TFIP11: variants seen among roughly 807,000 people sequenced by gnomAD.
TFIP11 encodes the protein tuftelin-interacting protein 11.
A neutral mutation model predicts 96.8 loss-of-function variants in TFIP11; 86 were observed. The ratio of observed to expected loss-of-function variants is 0.89; its 90% CI spans 0.75 to 1.06. TFIP11 has a LOEUF of 1.06. TFIP11 is among the 50% of genes least tolerant of loss of function. The pLI, the probability that TFIP11 is intolerant of heterozygous loss-of-function variation, is 0.00. For missense variants in TFIP11, 881 were observed against 1,076.7 expected (o/e 0.82, Z 2.54); for synonymous variants, 405 against 395.2 (o/e 1.02, Z -0.29).
At chr22:26,493,997 T>C in intron 14 of TFIP11, 142 bp downstream of exon 14, 1 of 872,126 alleles carries the variant, frequency 1.1e-6, no homozygotes, top group Non-Finnish European at 1.7e-6. Context: ...GTCAGCAGGG[T>C]GAGAGTCTGT....
chr22:26,498,541 C>CAAAAAA (rs10716815), intron 10 of TFIP11, among the ~76,000 whole-genome samples: 1 of 83,586 alleles, frequency 1.2e-5, no homozygotes. Flanking sequence ...GACTCCATCT[C>CAAAAAA]AAAAAAAAAA....
chr22:26,495,447 T>G (rs1003263613), intron 12 of TFIP11, among the ~76,000 whole-genome samples: 1 of 151,616 alleles, frequency 6.6e-6, no homozygotes, highest in Non-Finnish European at 1.5e-5. Context: ...CTGGCTGGTT[T>G]GTATTTTTGG....
Position 26,496,096 on chromosome 22 carries a change from ACCATGAATGCTT to A in TFIP11, c.1814_1825del (p.Glu605_Met608del). The A allele has an allele frequency of 6.2e-7, 1 of 1,613,806 alleles. No individual in the cohort carries two copies. Among genetic ancestry groups the A allele is most frequent in the Non-Finnish European group, 8.5e-7 (1 of 1,179,986 alleles). On this transcript the variant is annotated inframe_deletion, in exon 12 of 15. Transcript: ENST00000407690. ...ACCCAGCTTGGGCACTATGTTTTTG[ACCATGAATGCTT>A]CCCAGGAGCCAGGAGTGAAGACATC...
At chr22:26,504,984 G>A (rs907150053) in intron 6 of TFIP11, among the ~76,000 whole-genome samples, 7 of 152,172 alleles carry the variant, frequency 4.6e-5, no homozygotes, top group African/African-American at 1.7e-4. Flanking sequence ...GCTGAGGCAG[G>A]AGAATCACTT....
chr22:26,494,100 C>T (rs1921603478), intron 14 of TFIP11, 39 bp downstream of exon 14: 1 of 1,606,806 alleles, frequency 6.2e-7, no homozygotes, highest in Non-Finnish European at 8.5e-7. Context: ...AAATCTGAAA[C>T]TTGGGGCCAG....
chr22:26,492,410 A>G (rs1266872737), intron 14 of TFIP11, 42 bp from the exon 15 acceptor site: 8 of 1,584,658 alleles, frequency 5.0e-6, no homozygotes, highest in Non-Finnish European at 6.0e-6. Flanking sequence ...AGGTGTTTCC[A>G]GGTGTATGGA....
chr22:26,506,528 G>C, intron 5 of TFIP11, 69 bp from the exon 6 acceptor site: 3 of 1,541,408 alleles, frequency 1.9e-6, no homozygotes, highest in Non-Finnish European at 2.6e-6. Context: ...AGAAAGCTTG[G>C]CCAACAGGAA....
chr22:26,500,647 T>A (rs2147134515), intron 8 of TFIP11, among the ~76,000 whole-genome samples: 1 of 150,594 alleles, frequency 6.6e-6, no homozygotes, highest in South Asian at 2.1e-4. Context: ...CCACCAGCTT[T>A]AGACTCACTG....
At chr22:26,494,726 GC>G in intron 13 of TFIP11, 70 bp downstream of exon 13, 1 of 1,596,200 alleles carries the variant, frequency 6.3e-7, no homozygotes, top group Non-Finnish European at 8.6e-7. Context: ...CTACAGTCAG[GC>G]CTTGGCAGAA....
At chr22:26,501,593 G>A (rs1331770374) in intron 8 of TFIP11, among the ~76,000 whole-genome samples, 1 of 151,520 alleles carries the variant, frequency 6.6e-6, no homozygotes, top group African/African-American at 2.4e-5. Context: ...TAAATTCACT[G>A]ATGTAAGCTC....
chr22:26,502,402 G>A (rs1341873926), intron 7 of TFIP11, among the ~76,000 whole-genome samples: 6 of 152,172 alleles, frequency 3.9e-5, no homozygotes, highest in African/African-American at 1.4e-4. Flanking sequence ...GCAATGTAAA[G>A]GATTTTTTAA....
chr22:26,507,989 C>T (rs1238815928), intron 4 of TFIP11, among the ~76,000 whole-genome samples: 1 of 152,120 alleles, frequency 6.6e-6, no homozygotes, highest in African/African-American at 2.4e-5. Context: ...CGCCTGTAAT[C>T]CCACGCCACT....
rs192115144 is a variant in TFIP11, at chr22:26,497,663, G to A, written c.1437-774C>T. On this transcript the variant is annotated intron_variant, in intron 10 of 14. Coordinates refer to ENST00000407690, the MANE Select transcript of TFIP11 (RefSeq NM_012143.4). ...GAGGCCAAGGCAGGCGGATCACGAG[G>A]TCAAGAGATCGAGACCATCCTGGCC... Among the ~76,000 whole-genome samples the A allele has an allele frequency of 2.0e-4, 30 of 152,288 alleles. No individual in the cohort carries two copies. In the East Asian group the frequency reaches 5.2e-3, roughly 26 times the overall value.
At chr22:26,505,255 G>A (rs1410836692) in intron 6 of TFIP11, among the ~76,000 whole-genome samples, 1 of 152,144 alleles carries the variant, frequency 6.6e-6, no homozygotes, top group Non-Finnish European at 1.5e-5. Context: ...GAAGGTAAGA[G>A]TGTGACAGGG....
chr22:26,511,832 T>G (rs896859750), intron 2 of TFIP11: 4 of 152,080 alleles, frequency 2.6e-5, no homozygotes, highest in African/African-American at 9.7e-5. Flanking sequence ...CTTCCAGGAG[T>G]GTTTAGGACA....
At position 26,496,175 on chromosome 22, in the gene TFIP11, G is replaced by A; in HGVS notation, c.1747C>T (p.Pro583Ser). ...ATGAGCTTGGCAGAGGAGTCGCTGG[G>A]GTGCCACTTCTGCAGGGCGCTGGAC... ...KLSSALQKWHPSDSSAKLILQ... is the reference protein window; with the variant it reads ...KLSSALQKWHSSDSSAKLILQ... The change falls in exon 12 of 15, where the codon CCC becomes TCC. Residue 583 changes from proline (P) to serine (S), a missense_variant. Physicochemically the swap from Pro to Ser is moderately conservative, Grantham distance 74. Coordinates refer to ENST00000407690, the MANE Select transcript of TFIP11 (RefSeq NM_012143.4). 1 of 1,613,906 alleles carries A rather than the reference G, an allele frequency of 6.2e-7. No individual in the cohort carries two copies. Among genetic ancestry groups the A allele is most frequent in the Non-Finnish European group, 8.5e-7 (1 of 1,180,034 alleles).
At chr22:26,507,588 T>TTCC (rs1923571937) in intron 4 of TFIP11, among the ~76,000 whole-genome samples, 1 of 147,994 alleles carries the variant, frequency 6.8e-6, no homozygotes, top group Non-Finnish European at 1.5e-5. Context: ...TATAATCATG[T>TTCC]CACTGCACCC....
At chr22:26,496,645 T>G in intron 11 of TFIP11, 76 bp downstream of exon 11, 54 of 1,534,668 alleles carry the variant, frequency 3.5e-5, no homozygotes, top group Non-Finnish European at 4.4e-5. Flanking sequence ...TTAACAGCAC[T>G]GAGATAATGA....
intron 10 of TFIP11, among the ~76,000 whole-genome samples, chr22:26,497,922 C>A (rs1426601940): frequency 3.4e-5 from 5 of 148,626 alleles, no homozygotes; most frequent in African/African-American, 4.9e-5. Flanking sequence ...TACTTGCTCA[C>A]ACAAATTTAC....
Sources: allele counts gnomAD v4.1 joint callset (sites outside exome capture counted in the v4.1 genomes callset), GRCh38; gene constraint gnomAD v4.1.1; transcripts MANE v1.5; gene names NCBI Gene and HGNC (gene_info 2026-07-23, HGNC 2026-07-21).